The following PREPL variants were observed in gnomAD, a reference collection of about 807,000 sequenced individuals.
PREPL encodes the protein prolyl endopeptidase-like.
PREPL carries 77 observed loss-of-function variants against 70.6 expected under a neutral mutation model. That is an observed-to-expected ratio of 1.09 (90% confidence interval 0.91 to 1.32). The LOEUF (loss-of-function observed/expected upper bound fraction) is 1.32. Among genes scored for constraint, PREPL ranks in the 40% most tolerant of loss-of-function variants. The pLI is 0.00. For missense variants in PREPL, 1,002 were observed against 778.2 expected (o/e 1.29, Z -3.42); for synonymous variants, 315 against 264.8 (o/e 1.19, Z -1.84).
chr2:44,350,942 CT>C (rs1244223703), intron 1 of PREPL, among the ~76,000 whole-genome samples: 1 of 148,744 alleles, frequency 6.7e-6, no homozygotes, highest in Non-Finnish European at 1.5e-5. Flanking sequence ...GTATCTTTAG[CT>C]AGTTCCTTCT....
At chr2:44,345,693 A>C (rs1247455465) in intron 2 of PREPL, among the ~76,000 whole-genome samples, 1 of 152,204 alleles carries the variant, frequency 6.6e-6, no homozygotes, top group African/African-American at 2.4e-5. Flanking sequence ...GATAACCATA[A>C]AATGGTTAAA....
At position 44,335,994 on chromosome 2, in the gene PREPL, C is replaced by T. The variant is rs1219987666; in HGVS notation, c.888+2357G>A. ...ACCATTAGAGGAATGCAAATCTAAA[C>T]CACAACGAGATACCATCTCACATCA... is the stretch of plus-strand genomic sequence containing the variant. On this transcript the variant is annotated intron_variant, in intron 7 of 13. Transcript: ENST00000409411. 3.3e-5 allele frequency among the ~76,000 whole-genome samples: 5 copies of T among 152,002 alleles called. 1 individual carries two copies. Among genetic ancestry groups the T allele is most frequent in the Admixed American group, 2.0e-4 (3 of 15,250 alleles).
At chr2:44,322,680 G>T (rs1673092841) in intron 12 of PREPL, 51 bp downstream of exon 12, 1 of 1,584,180 alleles carries the variant, frequency 6.3e-7, no homozygotes. Context: ...GCAGTGTGCT[G>T]TGGGTAGTAG....
In PREPL at chr2:44,318,033, C is replaced by T; in HGVS notation, c.*3323G>A. ...AAGTTATCTTTTGACCTAATAATTC[C>T]ATTCCTAATACTTAGAAATATTTGC... On this transcript the variant is annotated 3_prime_UTR_variant, in exon 14 of 14. Transcript: ENST00000409411. 1 of 399,500 alleles carries T rather than the reference C, an allele frequency of 2.5e-6. No individual in the cohort carries two copies. Among genetic ancestry groups the T allele is most frequent in the South Asian group, 1.8e-5 (1 of 56,524 alleles). The allele number at this position is 399,500 out of a possible 1,614,324, so 24.7% of individuals were successfully genotyped here. A position where few individuals can be genotyped will look rare whatever the true frequency, so the allele number is the denominator to read the frequency against.
intron 6 of PREPL, 82 bp downstream of exon 6, chr2:44,339,065 G>C: frequency 1.9e-6 from 3 of 1,556,726 alleles, no homozygotes; most frequent in Non-Finnish European, 2.6e-6. Context: ...AAAACAATGA[G>C]CTCTTGGAGC....
At chr2:44,352,363 A>G (rs927598831) in intron 1 of PREPL, among the ~76,000 whole-genome samples, 5 of 152,078 alleles carry the variant, frequency 3.3e-5, no homozygotes, top group African/African-American at 1.2e-4. Context: ...TCCTGGGCTC[A>G]AGCAATTGAT....
chr2:44,332,703 G>A lies in PREPL; in HGVS notation c.889-47C>T, dbSNP rs780800832. On this transcript the variant is annotated intron_variant, in intron 7 of 13. Transcript: ENST00000409411. ...TTTTATTCTTTATTTAGGCCACCAA[G>A]TATCATTAATTAAATTTCTAAGTCT... The A allele has an allele frequency of 5.6e-6, 8 of 1,422,448 alleles. No homozygotes were observed. In the South Asian group the frequency reaches 7.7e-5, roughly 14 times the overall value. 88.1% of individuals were successfully genotyped at this position (1,422,448 alleles called of 1,614,324 possible).
intron 1 of PREPL, chr2:44,360,816 G>C (rs1411677757): frequency 6.6e-6 from 1 of 152,140 alleles, no homozygotes; most frequent in East Asian, 1.9e-4. Flanking sequence ...TTTACGACAG[G>C]AATAATCTAG....
At chr2:44,328,266 C>T (rs1398249528) in intron 9 of PREPL, among the ~76,000 whole-genome samples, 1 of 35,458 alleles carries the variant, frequency 2.8e-5, no homozygotes, top group African/African-American at 1.2e-4. Context: ...AAGATTCTAT[C>T]TCAAAAAAAA....
In PREPL at chr2:44,321,251, T is replaced by G; in HGVS notation, c.*105A>C. 1 of 1,002,348 alleles carries G rather than the reference T, an allele frequency of 1.0e-6. No homozygotes were observed. Among genetic ancestry groups the G allele is most frequent in the Middle Eastern group, 2.9e-4 (1 of 3,488 alleles). The allele number at this position is 1,002,348 out of a possible 1,614,324, so 62.1% of individuals were successfully genotyped here. On this transcript the variant is annotated 3_prime_UTR_variant, in exon 14 of 14. Coordinates refer to ENST00000409411, the MANE Select transcript of PREPL (RefSeq NM_001171613.2). ...GGAGAAGCACATTTTAAAAAATTAA[T>G]AACTTAAAAGTCTCAAGTTATTAAT...
intron 1 of PREPL, among the ~76,000 whole-genome samples, chr2:44,348,315 A>G (rs565251307): frequency 1.1e-4 from 17 of 152,348 alleles, no homozygotes; most frequent in African/African-American, 4.1e-4. Flanking sequence ...GTGAGACATG[A>G]TATCTGTATC....
chr2:44,332,923 T>C (rs768260253), intron 7 of PREPL, among the ~76,000 whole-genome samples: 1 of 152,208 alleles, frequency 6.6e-6, no homozygotes, highest in East Asian at 1.9e-4. Flanking sequence ...GCCTTTAACA[T>C]AAAAGTTTAT....
At chr2:44,359,602 G>A (rs775136514) in intron 1 of PREPL, 3 of 1,611,172 alleles carry the variant, frequency 1.9e-6, no homozygotes, top group Non-Finnish European at 2.5e-6. Flanking sequence ...TTATTCTATT[G>A]TAACAATGAT....
intron 1 of PREPL, among the ~76,000 whole-genome samples, chr2:44,352,373 T>A (rs549788604): frequency 1.3e-5 from 2 of 152,062 alleles, no homozygotes; most frequent in Non-Finnish European, 2.9e-5. Flanking sequence ...AAGCAATTGA[T>A]CCTTGATCTC....
In PREPL at chr2:44,354,250, G is replaced by C. The variant is rs561507598; in HGVS notation, c.-49+7130C>G. On this transcript the variant is annotated intron_variant, in intron 1 of 13. Transcript: ENST00000409411. ...ATGTTTTCTAGCAATAAAATTTATG[G>C]TTATATGAAAAGAAAAAATGCATTA... 2.6e-3 allele frequency among the ~76,000 whole-genome samples: 398 copies of C among 152,200 alleles called. 1 individual carries two copies. Among genetic ancestry groups the C allele is most frequent in the South Asian group, 4.8e-3 (23 of 4,826 alleles).
At chr2:44,346,429 A>G in intron 1 of PREPL, 39 bp from the exon 2 acceptor site, 1 of 1,595,112 alleles carries the variant, frequency 6.3e-7, no homozygotes, top group Non-Finnish European at 8.5e-7. Context: ...ATTTCAAACT[A>G]GGGAAAAAAA....
intron 1 of PREPL, among the ~76,000 whole-genome samples, chr2:44,346,716 G>A (rs1260832216): frequency 1.3e-5 from 2 of 151,826 alleles, no homozygotes; most frequent in Non-Finnish European, 2.9e-5. Flanking sequence ...ACACAATTAA[G>A]GAGAAAATAA....
intron 5 of PREPL, among the ~76,000 whole-genome samples, chr2:44,342,020 A>G (rs1675279280): frequency 6.6e-6 from 1 of 152,162 alleles, no homozygotes; most frequent in Non-Finnish European, 1.5e-5. Context: ...ATCTAAGTAT[A>G]TACCATTTAT....
rs1309691950 is a variant in PREPL, at chr2:44,338,499, T to C, written c.740A>G (p.Asn247Ser). 1.2e-6 allele frequency: 2 copies of C among 1,612,600 alleles called. No individual in the cohort carries two copies. Among genetic ancestry groups the C allele is most frequent in the Admixed American group, 1.7e-5 (1 of 59,702 alleles). Residue 247 changes from asparagine to serine, a missense_variant, in exon 7 of 14, where the codon AAT becomes AGT. Physicochemically the swap from Asn to Ser is conservative, Grantham distance 46. Coordinates refer to ENST00000409411, the MANE Select transcript of PREPL (RefSeq NM_001171613.2). ...CTTCATTGTAAAAAATAAATCCCAA[T>C]TCATAATTGCAGGGGTATCAGCCGC... ...RTAADTPAIM[N>S]WDLFFTMKRN...
Sources: gnomAD v4.1 joint callset for allele counts (sites outside exome capture counted in the v4.1 genomes callset) on GRCh38, gnomAD v4.1.1 for gene constraint, MANE v1.5 for transcripts, NCBI Gene and HGNC (gene_info 2026-07-23, HGNC 2026-07-21) for gene names.